Variants in MIIP observed in about 807,000 individuals in gnomAD.
MIIP encodes migration and invasion inhibitory protein.
Under a neutral mutation model 44.8 loss-of-function variants are expected in MIIP, and 44 were observed. The ratio of observed to expected loss-of-function variants is 0.98; its 90% CI spans 0.77 to 1.26. The LOEUF is 1.26. Among genes scored for constraint, MIIP ranks in the 50% most tolerant of loss-of-function variants. MIIP has a pLI of 0.00. For missense variants in MIIP, 496 were observed against 511.7 expected (o/e 0.97, Z 0.30); for synonymous variants, 225 against 218.3 (o/e 1.03, Z -0.27).
At chr1:12,031,432 G>A (rs1476246210) in intron 9 of MIIP, 29 bp downstream of exon 9, 1 of 1,605,678 alleles carries the variant, frequency 6.2e-7, no homozygotes, top group African/African-American at 1.3e-5. Flanking sequence ...CCTAGCCTGG[G>A]GTGCCCCCTA....
At chr1:12,027,408 C>T (rs555041975) in intron 4 of MIIP, among the ~76,000 whole-genome samples, 7 of 152,204 alleles carry the variant, frequency 4.6e-5, no homozygotes, top group Non-Finnish European at 8.8e-5. Flanking sequence ...AACTCCCCAG[C>T]TTAGCCCTCA....
chr1:12,031,463 C>T, intron 9 of MIIP, 60 bp downstream of exon 9: 1 of 1,584,452 alleles, frequency 6.3e-7, no homozygotes, highest in Non-Finnish European at 8.6e-7. Flanking sequence ...GACCTCGCAG[C>T]AGGCCTGGGG....
intron 4 of MIIP, among the ~76,000 whole-genome samples, chr1:12,024,561 C>G (rs1640060811): frequency 6.6e-6 from 1 of 152,024 alleles, no homozygotes. Flanking sequence ...TTACAGGTGC[C>G]TGCCACCACA....
Position 12,029,760 on chromosome 1 carries a change from C to T in MIIP, c.716-5C>T, listed in dbSNP as rs367987372. ...GAGAGCTGTGGCTTCTCATGGGCCTCGCAGGCGTGTACTGTTACCGTGTCA... is the reference window on the plus strand; with the variant it reads ...GAGAGCTGTGGCTTCTCATGGGCCTTGCAGGCGTGTACTGTTACCGTGTCA... On this transcript the variant is annotated splice_polypyrimidine_tract_variant and splice_region_variant and intron_variant, in intron 6 of 9. Coordinates refer to ENST00000235332, the MANE Select transcript of MIIP (RefSeq NM_021933.4). The T allele has an allele frequency of 4.9e-5, 79 of 1,607,908 alleles. No individual in the cohort carries two copies. In the African/African-American group the frequency reaches 8.8e-4, roughly 18 times the overall value.
rs1302982241 is a variant in MIIP, at chr1:12,029,234, C to T, written c.668C>T (p.Pro223Leu). The T allele has an allele frequency of 3.7e-6, 6 of 1,613,604 alleles. No individual in the cohort carries two copies. The highest frequency in any genetic ancestry group is 5.1e-6 in the Non-Finnish European group (6 of 1,179,900). Residue 223 changes from proline to leucine, a missense_variant, in exon 6 of 10, where the codon CCA becomes CTA. Coordinates refer to ENST00000235332, the MANE Select transcript of MIIP (RefSeq NM_021933.4). ...CCTCGCCCTCTCAGACCCCAGTTGC[C>T]AGGCCTGCGTGAGAGCAGTGGCAGC... ...CICSHPEPQL[P>L]GLRESSGSGV...
chr1:12,022,959 G>T, intron 4 of MIIP, 42 bp downstream of exon 4: 1 of 1,494,410 alleles, frequency 6.7e-7, no homozygotes, highest in East Asian at 2.4e-5. Context: ...GCCTGGGAGT[G>T]GGAGGTGGAG....
chr1:12,027,892 A>C (rs1416202862), intron 4 of MIIP, among the ~76,000 whole-genome samples: 2 of 152,214 alleles, frequency 1.3e-5, no homozygotes, highest in Non-Finnish European at 2.9e-5. Flanking sequence ...ATCCAGCTAC[A>C]TCCTGATACA....
At position 12,031,868 on chromosome 1, in the gene MIIP, G is replaced by T. The variant is rs114136497; in HGVS notation, c.*60G>T. On this transcript the variant is annotated 3_prime_UTR_variant, in exon 10 of 10. Transcript: ENST00000235332. ...GCCTCCAGCCTCTCCCCTCTGGCAG[G>T]CGCACCCAGGAGATGGAATCCCCTG... 2.2e-3 allele frequency: 3,321 copies of T among 1,530,824 alleles called. 66 individuals carry two copies. The African/African-American group carries it at 0.04, about 18-fold the overall frequency. 94.8% of individuals were successfully genotyped at this position (1,530,824 alleles called of 1,614,324 possible).
chr1:12,019,936 C>T (rs975490277), intron 1 of MIIP, among the ~76,000 whole-genome samples: 6 of 152,218 alleles, frequency 3.9e-5, no homozygotes, highest in Admixed American at 1.3e-4. Flanking sequence ...AACAGTTGGC[C>T]CCTCTGGACT....
rs1224139483 is a variant in MIIP, at chr1:12,022,227, G to A, written c.247G>A (p.Asp83Asn). ...GGGCCCACCAGATGCCTGTCGAGGG[G>A]ACCTCCGTGATGTGGCCAGATCGGG... ...VWGPPDACRG[D>N]LRDVARSGVA... is the part of the protein sequence containing the mutation. Residue 83 changes from aspartate (D) to asparagine (N), a missense_variant, in exon 3 of 10, where the codon GAC becomes AAC. Transcript: ENST00000235332. 6.2e-7 allele frequency: 1 copy of A among 1,613,124 alleles called. No homozygotes were observed. Among genetic ancestry groups the A allele is most frequent in the Admixed American group, 1.7e-5 (1 of 59,852 alleles).
chr1:12,021,880 C>G, intron 2 of MIIP, 40 bp downstream of exon 2: 1 of 1,510,180 alleles, frequency 6.6e-7, no homozygotes, highest in African/African-American at 1.4e-5. Flanking sequence ...AAGGGGCTAC[C>G]TGACCTTCAG....
intron 4 of MIIP, chr1:12,028,713 C>G: frequency 3.5e-6 from 1 of 281,878 alleles, no homozygotes; most frequent in East Asian, 7.0e-5. Flanking sequence ...CTCTTGCCAC[C>G]TTACAGTGTA....
At chr1:12,029,631 A>T in intron 6 of MIIP, 134 bp from the exon 7 acceptor site, 3 of 1,250,776 alleles carry the variant, frequency 2.4e-6, no homozygotes, top group Non-Finnish European at 3.3e-6. Context: ...GAAAGGGGTT[A>T]GGAGGAAATG....
In MIIP at chr1:12,022,307, G is replaced by A. The variant is rs1305046489; in HGVS notation, c.327G>A (p.Pro109=). The change falls in exon 3 of 10, where the codon CCG becomes CCA. Residue 109 remains proline (P), a synonymous_variant. Transcript: ENST00000235332. Reference sequence around the variant, plus strand: ...AGCACCAGGAGTCCCTGGGCCGACCGAGACCCCACTCAGCACCCTCGCTGG... The same window carrying A: ...AGCACCAGGAGTCCCTGGGCCGACCAAGACCCCACTCAGCACCCTCGCTGG... The part of the protein sequence containing the change: ...KCQHQESLGR[P]RPHSAPSLGT... 1.2e-6 allele frequency: 2 copies of A among 1,613,702 alleles called. No homozygotes were observed. Among genetic ancestry groups the A allele is most frequent in the African/African-American group, 1.3e-5 (1 of 74,878 alleles).
intron 4 of MIIP, among the ~76,000 whole-genome samples, chr1:12,023,381 CTTATTTATTTAT>C (rs71568382): frequency 0.038 from 5,294 of 140,138 alleles, 174 homozygotes; most frequent in African/African-American, 0.09. Context: ...TCTTTGTTTT[CTTATTTATTTAT>C]TTATTTATTT....
intron 4 of MIIP, among the ~76,000 whole-genome samples, chr1:12,026,574 C>A (rs1304127941): frequency 6.6e-6 from 1 of 152,206 alleles, no homozygotes; most frequent in Non-Finnish European, 1.5e-5. Flanking sequence ...GGGTTTCCTT[C>A]CTGTGATCCT....
In MIIP at chr1:12,029,358, C is replaced by A. The variant is rs1408494733; in HGVS notation, c.715+77C>A. 3.4e-6 allele frequency: 5 copies of A among 1,470,166 alleles called. No homozygotes were observed. In the East Asian group the frequency reaches 9.8e-5, roughly 29 times the overall value. 91.1% of individuals were successfully genotyped at this position (1,470,166 alleles called of 1,614,324 possible). ...CTGGCCTCCCCTGCCCCAGAGCAGT[C>A]CCATTTGAGGTTTGGGGCCTGGGGA... is the stretch of plus-strand genomic sequence containing the variant. On this transcript the variant is annotated intron_variant, in intron 6 of 9. Coordinates refer to ENST00000235332, the MANE Select transcript of MIIP (RefSeq NM_021933.4).
chr1:12,029,701 C>G, intron 6 of MIIP, 64 bp from the exon 7 acceptor site: 1 of 1,577,044 alleles, frequency 6.3e-7, no homozygotes, highest in East Asian at 2.3e-5. Flanking sequence ...CTGAGGGCAG[C>G]ACGGAGCCTG....
chr1:12,022,183 G>T lies in MIIP; in HGVS notation c.203G>T (p.Arg68Leu). 1.2e-6 allele frequency: 2 copies of T among 1,613,714 alleles called. No individual in the cohort carries two copies. The highest frequency in any genetic ancestry group is 2.2e-5 in the South Asian group (2 of 91,050). The change falls in exon 3 of 10, where the codon CGG becomes CTG. Residue 68 changes from arginine (R) to leucine (L), a missense_variant. By Grantham distance (102) the Arg-to-Leu change is moderately radical (BLOSUM62 -2). Coordinates refer to ENST00000235332, the MANE Select transcript of MIIP (RefSeq NM_021933.4). ...ACTTCCTTGAGCACCTCCTGCCCAC[G>T]GGGCCGGTCCTCCGTGTGGGGCCCA... ...SSTSLSTSCP[R>L]GRSSVWGPPD...
Sources: gnomAD v4.1 joint callset for allele counts (sites outside exome capture counted in the v4.1 genomes callset) on GRCh38, gnomAD v4.1.1 for gene constraint, MANE v1.5 for transcripts, NCBI Gene and HGNC (gene_info 2026-07-23, HGNC 2026-07-21) for gene names.